The following NCOA2 variants were observed in gnomAD, a reference collection of about 807,000 sequenced individuals.
NCOA2 encodes class E basic helix-loop-helix protein 75.
Under a neutral mutation model 145.1 loss-of-function variants are expected in NCOA2, and 21 were observed. That is an observed-to-expected ratio of 0.14 (90% confidence interval 0.10 to 0.21). The LOEUF (loss-of-function observed/expected upper bound fraction) is 0.21. Ranked by LOEUF, NCOA2 falls within the 10% of genes least tolerant of loss-of-function variation. The probability of loss-of-function intolerance (pLI) is 1.00; values close to 1 mark genes in which losing one functional copy is unlikely to be tolerated. For missense variants in NCOA2, 1,472 were observed against 1,837.6 expected, an observed-to-expected ratio of 0.80 and a Z score of 3.64; for synonymous variants, 619 against 637.5, an observed-to-expected ratio of 0.97 and a Z score of 0.44.
intron 2 of NCOA2, among the ~76,000 whole-genome samples, chr8:70,239,508 C>G (rs1018016390): frequency 6.6e-6 from 1 of 152,306 alleles, no homozygotes; most frequent in South Asian, 2.1e-4. Context: ...ATTCCCACAG[C>G]TCTTCCTAAG....
chr8:70,272,413 C>T (rs901542651), intron 2 of NCOA2, among the ~76,000 whole-genome samples: 2 of 152,214 alleles, frequency 1.3e-5, no homozygotes, highest in Admixed American at 6.5e-5. Context: ...TACGTGTCTC[C>T]TCTACTCTTC....
chr8:70,403,409 G>A (rs1405684552), intron 1 of NCOA2, among the ~76,000 whole-genome samples: 1 of 151,538 alleles, frequency 6.6e-6, no homozygotes, highest in South Asian at 2.1e-4. Flanking sequence ...CTCGCAAGGC[G>A]CTGGAGCGCC....
intron 1 of NCOA2, among the ~76,000 whole-genome samples, chr8:70,332,005 TAAG>T (rs1163061427): frequency 6.6e-6 from 1 of 152,140 alleles, no homozygotes; most frequent in African/African-American, 2.4e-5. Flanking sequence ...GCTCCTTTAT[TAAG>T]GTTTCAAAAA....
the NCOA2 span, among the ~76,000 whole-genome samples, chr8:70,423,121 A>G: frequency 1.3e-5 from 2 of 151,894 alleles, no homozygotes; most frequent in Non-Finnish European, 2.9e-5. Flanking sequence ...CTTTCCCTCC[A>G]CTTGGCTCAG....
intron 16 of NCOA2, 51 bp from the exon 17 acceptor site, chr8:70,129,031 CAG>C (rs765283114): frequency 2.8e-5 from 42 of 1,520,974 alleles, no homozygotes; most frequent in Non-Finnish European, 3.4e-5. Context: ...ATAAAAACAG[CAG>C]AGTCAATATA....
At chr8:70,387,880 T>C (rs1397266545) in intron 1 of NCOA2, among the ~76,000 whole-genome samples, 1 of 152,168 alleles carries the variant, frequency 6.6e-6, no homozygotes, top group Non-Finnish European at 1.5e-5. Flanking sequence ...GTAGATATTC[T>C]AGCCTGCAAC....
At chr8:70,403,812 T>C (rs922952392), upstream of NCOA2, 1 of 397,126 alleles carries the variant, frequency 2.5e-6, no homozygotes. Context: ...AACTGCTGCC[T>C]GGTTGTTTAT....
At chr8:70,214,195 A>G in intron 3 of NCOA2, 120 bp from the exon 4 acceptor site, 1 of 954,908 alleles carries the variant, frequency 1.0e-6, no homozygotes. Context: ...ATAAACACAG[A>G]AATACTTTTG....
At chr8:70,265,552 G>A (rs1224664019) in intron 2 of NCOA2, among the ~76,000 whole-genome samples, 1 of 152,152 alleles carries the variant, frequency 6.6e-6, no homozygotes, top group East Asian at 1.9e-4. Flanking sequence ...CTAGTTCTCA[G>A]AGAACAACTT....
intron 2 of NCOA2, among the ~76,000 whole-genome samples, chr8:70,257,914 T>C (rs1823779282): frequency 6.6e-6 from 1 of 152,068 alleles, no homozygotes; most frequent in Non-Finnish European, 1.5e-5. Flanking sequence ...CATGTCTTTT[T>C]TCTTTTCTTT....
At chr8:70,443,803 G>A in the NCOA2 span, among the ~76,000 whole-genome samples, 10 of 151,900 alleles carry the variant, frequency 6.6e-5, no homozygotes, top group Admixed American at 2.0e-4. Flanking sequence ...TTGAACTCTC[G>A]GCCTCAAGTG....
At chr8:70,165,612 G>A (rs1813519530) in intron 7 of NCOA2, among the ~76,000 whole-genome samples, 1 of 152,170 alleles carries the variant, frequency 6.6e-6, no homozygotes, top group Non-Finnish European at 1.5e-5. Context: ...GTGGGCTCAG[G>A]AAGTGAATGC....
At chr8:70,290,477 C>T (rs546018549) in intron 2 of NCOA2, among the ~76,000 whole-genome samples, 56 of 152,216 alleles carry the variant, frequency 3.7e-4, no homozygotes, top group Middle Eastern at 3.4e-3. Context: ...TGTGAGCCAA[C>T]GCGCCCGGCC....
intron 2 of NCOA2, among the ~76,000 whole-genome samples, chr8:70,234,385 A>C (rs974357246): frequency 2.0e-5 from 3 of 152,244 alleles, no homozygotes; most frequent in African/African-American, 7.2e-5. Flanking sequence ...CTAGGAATGG[A>C]ATCGGTGAGT....
intron 10 of NCOA2, among the ~76,000 whole-genome samples, chr8:70,157,918 T>C (rs1812470041): frequency 6.6e-6 from 1 of 152,228 alleles, no homozygotes; most frequent in Non-Finnish European, 1.5e-5. Flanking sequence ...TGGGATCTTA[T>C]TCTTCTACTT....
At chr8:70,219,537 G>A (rs1819949646) in intron 2 of NCOA2, among the ~76,000 whole-genome samples, 1 of 152,150 alleles carries the variant, frequency 6.6e-6, no homozygotes, top group Admixed American at 6.5e-5. Context: ...AAGGATGGCT[G>A]CCTCCTGGTA....
At chr8:70,326,553 T>C (rs1409827490) in intron 1 of NCOA2, among the ~76,000 whole-genome samples, 3 of 151,932 alleles carry the variant, frequency 2.0e-5, no homozygotes, top group African/African-American at 4.8e-5. Flanking sequence ...TCATAAAATA[T>C]AAAACAAGGG....
intron 4 of NCOA2, among the ~76,000 whole-genome samples, chr8:70,206,654 C>T (rs1818475783): frequency 6.6e-6 from 1 of 152,102 alleles, no homozygotes; most frequent in Non-Finnish European, 1.5e-5. Context: ...TAATGTTACC[C>T]TCTCCAAATT....
At chr8:70,164,379 A>T (rs752577308) in intron 7 of NCOA2, among the ~76,000 whole-genome samples, 1 of 152,214 alleles carries the variant, frequency 6.6e-6, no homozygotes, top group Non-Finnish European at 1.5e-5. Flanking sequence ...AAACTTAAGT[A>T]ATCCCTTCAT....
Sources: allele counts gnomAD v4.1 joint callset (sites outside exome capture counted in the v4.1 genomes callset), GRCh38; gene constraint gnomAD v4.1.1; transcripts MANE v1.5; gene names NCBI Gene and HGNC (gene_info 2026-07-23, HGNC 2026-07-21).